Variants in THSD7B observed in about 807,000 individuals in gnomAD.
THSD7B encodes the protein thrombospondin type 1 domain containing 7B.
A neutral mutation model predicts 213.6 loss-of-function variants in THSD7B; 138 were observed. The ratio of observed to expected loss-of-function variants is 0.65; its 90% CI spans 0.56 to 0.74. The LOEUF is 0.74. Ranked by LOEUF, THSD7B falls within the 30% of genes least tolerant of loss-of-function variation. The probability of loss-of-function intolerance (pLI) is 0.00; values close to 1 mark genes in which losing one functional copy is unlikely to be tolerated. For synonymous variants in THSD7B, 742 were observed against 687.0 expected, an observed-to-expected ratio of 1.08 and a Z score of -1.25; for missense variants, 1,931 against 1,991.5, an observed-to-expected ratio of 0.97 and a Z score of 0.58.
At chr2:137,039,387 G>A (rs573701414) in intron 2 of THSD7B, among the ~76,000 whole-genome samples, 1 of 152,340 alleles carries the variant, frequency 6.6e-6, no homozygotes, top group East Asian at 1.9e-4. Flanking sequence ...ATTTGGCAAT[G>A]TCTGGAGACA....
chr2:136,951,011 A>G (rs538108976), intron 2 of THSD7B, among the ~76,000 whole-genome samples: 1 of 152,148 alleles, frequency 6.6e-6, no homozygotes, highest in South Asian at 2.1e-4. Context: ...CTACTTTTAA[A>G]CAACTGCCTG....
intron 2 of THSD7B, among the ~76,000 whole-genome samples, chr2:136,890,103 T>C (rs939682483): frequency 6.6e-6 from 1 of 152,126 alleles, no homozygotes; most frequent in Non-Finnish European, 1.5e-5. Flanking sequence ...ACTGAGAAAT[T>C]TGACGCCATT....
chr2:137,506,408 C>A (rs1246986381), intron 15 of THSD7B, among the ~76,000 whole-genome samples: 1 of 152,196 alleles, frequency 6.6e-6, no homozygotes, highest in African/African-American at 2.4e-5. Context: ...CTTTTGGATT[C>A]TTTAACGTTC....
At chr2:136,873,934 C>T (rs1336775283) in intron 1 of THSD7B, among the ~76,000 whole-genome samples, 2 of 152,158 alleles carry the variant, frequency 1.3e-5, no homozygotes, top group East Asian at 3.9e-4. Context: ...TGTGACCCAG[C>T]TTGACACTTG....
chr2:137,463,972 G>A (rs1687936641), intron 15 of THSD7B, among the ~76,000 whole-genome samples: 2 of 152,030 alleles, frequency 1.3e-5, no homozygotes, highest in South Asian at 2.1e-4. Flanking sequence ...TGTTTGTAAG[G>A]CTGGTCCTCT....
intron 14 of THSD7B, among the ~76,000 whole-genome samples, chr2:137,433,398 C>T (rs1411361152): frequency 1.3e-5 from 2 of 151,644 alleles, no homozygotes; most frequent in Non-Finnish European, 2.9e-5. Context: ...GCTCTGTCAC[C>T]CAGGCTGGAG....
At chr2:137,453,057 G>C (rs1687683572) in intron 15 of THSD7B, among the ~76,000 whole-genome samples, 1 of 152,014 alleles carries the variant, frequency 6.6e-6, no homozygotes, top group Non-Finnish European at 1.5e-5. Flanking sequence ...AAAGAACCCT[G>C]TATAATGATC....
At chr2:137,474,052 A>C (rs970873242) in intron 15 of THSD7B, among the ~76,000 whole-genome samples, 1 of 152,218 alleles carries the variant, frequency 6.6e-6, no homozygotes, top group Non-Finnish European at 1.5e-5. Context: ...CCTTTGGCCA[A>C]GACTTTACAA....
intron 1 of THSD7B, among the ~76,000 whole-genome samples, chr2:136,841,519 C>T (rs1682920258): frequency 6.9e-6 from 1 of 145,012 alleles, no homozygotes. Flanking sequence ...GTCACTTGAA[C>T]CTGGGAGGTG....
At chr2:136,925,035 T>TA (rs1684500053) in intron 2 of THSD7B, among the ~76,000 whole-genome samples, 1 of 152,250 alleles carries the variant, frequency 6.6e-6, no homozygotes, top group African/African-American at 2.4e-5. Context: ...GCAACTTTGT[T>TA]AAAATCATAT....
At chr2:137,042,621 C>T (rs1686903779) in intron 2 of THSD7B, among the ~76,000 whole-genome samples, 1 of 152,162 alleles carries the variant, frequency 6.6e-6, no homozygotes, top group Non-Finnish European at 1.5e-5. Flanking sequence ...AGTGGTTCCA[C>T]TTAAAACATT....
chr2:137,448,662 G>T (rs534217122), intron 14 of THSD7B, among the ~76,000 whole-genome samples: 88 of 152,232 alleles, frequency 5.8e-4, no homozygotes, highest in African/African-American at 2.0e-3. Flanking sequence ...AGCCGGGAGC[G>T]GTGGCGGGCG....
chr2:136,901,532 G>A (rs991949563), intron 2 of THSD7B, among the ~76,000 whole-genome samples: 2 of 152,168 alleles, frequency 1.3e-5, no homozygotes, highest in African/African-American at 4.8e-5. Flanking sequence ...GAGATGAATG[G>A]AAATGGGAAA....
At chr2:137,512,288 T>G (rs1424091811) in intron 15 of THSD7B, 2 of 152,052 alleles carry the variant, frequency 1.3e-5, no homozygotes, top group African/African-American at 4.8e-5. Flanking sequence ...GTACAATTTT[T>G]TTCATTTTAT....
chr2:136,885,718 T>C (rs1683706078), intron 2 of THSD7B, among the ~76,000 whole-genome samples: 1 of 152,182 alleles, frequency 6.6e-6, no homozygotes, highest in Non-Finnish European at 1.5e-5. Flanking sequence ...GTAATACTTA[T>C]TGAGTCCTTA....
intron 2 of THSD7B, among the ~76,000 whole-genome samples, chr2:136,918,606 G>A (rs1166813452): frequency 6.6e-6 from 1 of 152,168 alleles, no homozygotes; most frequent in Non-Finnish European, 1.5e-5. Flanking sequence ...AAAAGGGTTT[G>A]TAACTCTCAC....
At chr2:136,983,205 C>T (rs917357954) in intron 2 of THSD7B, among the ~76,000 whole-genome samples, 3 of 151,948 alleles carry the variant, frequency 2.0e-5, no homozygotes, top group Admixed American at 6.6e-5. Flanking sequence ...GTGTTTTTCT[C>T]CCATATGTGA....
chr2:137,090,521 A>G (rs1427442337), intron 3 of THSD7B, among the ~76,000 whole-genome samples: 1 of 152,168 alleles, frequency 6.6e-6, no homozygotes, highest in East Asian at 1.9e-4. Flanking sequence ...AGATTTTCTT[A>G]CGTTTCCAGG....
At chr2:137,390,622 G>A (rs1253251304) in intron 12 of THSD7B, among the ~76,000 whole-genome samples, 1 of 152,132 alleles carries the variant, frequency 6.6e-6, no homozygotes, top group Non-Finnish European at 1.5e-5. Context: ...GTTCTTAGAG[G>A]AAATGTTTTT....
Sources: gnomAD v4.1 joint callset for allele counts (sites outside exome capture counted in the v4.1 genomes callset) on GRCh38, gnomAD v4.1.1 for gene constraint, MANE v1.5 for transcripts, NCBI Gene and HGNC (gene_info 2026-07-23, HGNC 2026-07-21) for gene names.